MTIF3: variants seen among roughly 807,000 people sequenced by gnomAD.
MTIF3 encodes the protein translation initiation factor IF-3, mitochondrial.
A neutral mutation model predicts 20.7 loss-of-function variants in MTIF3; 13 were observed. The ratio of observed to expected loss-of-function variants is 0.63; its 90% CI spans 0.41 to 1.00. MTIF3 has a LOEUF of 1.00. Ranked by LOEUF, MTIF3 falls within the 50% of genes least tolerant of loss-of-function variation. The pLI, the probability that MTIF3 is intolerant of heterozygous loss-of-function variation, is 0.00. For synonymous variants in MTIF3, 114 were observed against 112.5 expected (o/e 1.01, Z -0.08); for missense variants, 295 against 324.5 (o/e 0.91, Z 0.70).
intron 2 of MTIF3, among the ~76,000 whole-genome samples, 180 bp from the exon 3 acceptor site, chr13:27,440,629 A>G (rs1437241296): frequency 1.3e-5 from 2 of 152,200 alleles, no homozygotes; most frequent in African/African-American, 4.8e-5. Context: ...AAAGCGGACT[A>G]GCAGGTGACT....
chr13:27,443,660 C>T (rs192239281), intron 2 of MTIF3, among the ~76,000 whole-genome samples: 59 of 152,066 alleles, frequency 3.9e-4, no homozygotes, highest in Non-Finnish European at 7.2e-4. Flanking sequence ...TATCTTTTTC[C>T]CTTAGTAGTT....
chr13:27,446,287 A>C (rs1158446327), intron 1 of MTIF3, among the ~76,000 whole-genome samples: 1 of 152,142 alleles, frequency 6.6e-6, no homozygotes, highest in African/African-American at 2.4e-5. Flanking sequence ...CGATCTCCTG[A>C]CCTCAAATGA....
At chr13:27,446,333 C>T (rs1229125532) in intron 1 of MTIF3, among the ~76,000 whole-genome samples, 1 of 152,200 alleles carries the variant, frequency 6.6e-6, no homozygotes, top group African/African-American at 2.4e-5. Flanking sequence ...GTTGGGATTA[C>T]GGGCGTGAGC....
At chr13:27,444,120 A>G (rs914469584) in intron 2 of MTIF3, among the ~76,000 whole-genome samples, 19 of 152,230 alleles carry the variant, frequency 1.2e-4, no homozygotes, top group East Asian at 7.7e-4. Flanking sequence ...TGGCTAACAC[A>G]GTGAAACCCT....
intron 3 of MTIF3, among the ~76,000 whole-genome samples, chr13:27,437,953 TG>T (rs1953846295): frequency 6.6e-6 from 1 of 152,114 alleles, no homozygotes; most frequent in South Asian, 2.1e-4. Context: ...AAAATCTAAC[TG>T]GGATACGGTT....
At chr13:27,440,554 TG>T (rs1953973148) in intron 2 of MTIF3, 105 bp from the exon 3 acceptor site, 2 of 849,150 alleles carry the variant, frequency 2.4e-6, no homozygotes, top group Admixed American at 5.6e-5. Flanking sequence ...AGGCTGTAAC[TG>T]CAAGTGTGAG....
chr13:27,447,225 TAAGAAA>T (rs1318230772), intron 1 of MTIF3, among the ~76,000 whole-genome samples: 2 of 129,556 alleles, frequency 1.5e-5, no homozygotes, highest in Non-Finnish European at 3.3e-5. Context: ...AGATGAACTT[TAAGAAA>T]AAGAGTAAGA....
rs1439447660 is a variant in MTIF3, at chr13:27,435,847, G to A, written c.665C>T (p.Thr222Ile). ...AACAGCTTGTGGCCTAGATGAGAAT[G>A]TAGCTATTCCAGGCATAGTCTGGAG... ...QILQTMPGIA[T>I]FSSRPQAVQG... The change falls in exon 5 of 5, where the codon ACA becomes ATA. Residue 222 changes from threonine to isoleucine, a missense_variant. Coordinates refer to ENST00000381120, the MANE Select transcript of MTIF3 (RefSeq NM_152912.5). 5.0e-6 allele frequency: 8 copies of A among 1,613,972 alleles called. No homozygotes were observed. Among genetic ancestry groups the A allele is most frequent in the Non-Finnish European group, 5.9e-6 (7 of 1,180,006 alleles).
At position 27,440,017 on chromosome 13, in the gene MTIF3, C is replaced by T. The variant is rs562531906; in HGVS notation, c.432G>A (p.Arg144=). The T allele has an allele frequency of 3.1e-6, 5 of 1,614,018 alleles. No homozygotes were observed. Among genetic ancestry groups the T allele is most frequent in the Non-Finnish European group, 4.2e-6 (5 of 1,180,000 alleles). Residue 144 remains arginine, a synonymous_variant, in exon 3 of 5, where the codon AGG becomes AGA. Coordinates refer to ENST00000381120, the MANE Select transcript of MTIF3 (RefSeq NM_152912.5). ...TTTTGGGGTTCGCCTTCTCCATCTC[C>T]CTCAGCCTCTGCCGCTCCTGGAGGA... ...LQILQERQRL[R]EMEKANPKTG...
chr13:27,436,427 T>C (rs1208123120), intron 4 of MTIF3, among the ~76,000 whole-genome samples: 1 of 150,772 alleles, frequency 6.6e-6, no homozygotes. Flanking sequence ...AAAAGCAAAA[T>C]AGGTATTCCA....
At position 27,435,801 on chromosome 13, in the gene MTIF3, C is replaced by T. The variant is rs1210080325; in HGVS notation, c.711G>A (p.Met237Ile). Residue 237 changes from methionine (M) to isoleucine (I), a missense_variant, in exon 5 of 5, where the codon ATG (methionine) becomes ATA (isoleucine). Coordinates refer to ENST00000381120, the MANE Select transcript of MTIF3 (RefSeq NM_152912.5). ...TTTTGCTGAAAGCACGAAGAACACA[C>T]ATTAAAGCTTTTCCTCCTTGAACAG... ...PQAVQGGKAL[M>I]CVLRAFSKNE... The T allele has an allele frequency of 1.2e-5, 19 of 1,614,030 alleles. No homozygotes were observed. Among genetic ancestry groups the T allele is most frequent in the African/African-American group, 5.3e-5 (4 of 74,910 alleles).
At chr13:27,440,634 G>A (rs2138111185) in intron 2 of MTIF3, among the ~76,000 whole-genome samples, 185 bp from the exon 3 acceptor site, 1 of 152,246 alleles carries the variant, frequency 6.6e-6, no homozygotes, top group Non-Finnish European at 1.5e-5. Flanking sequence ...GGACTAGCAG[G>A]TGACTCTGGC....
chr13:27,440,574 T>A, intron 2 of MTIF3, 125 bp from the exon 3 acceptor site: 1 of 724,432 alleles, frequency 1.4e-6, no homozygotes, highest in South Asian at 1.9e-5. Context: ...AGGGAAATGC[T>A]GTTCTCTAGA....
At position 27,440,110 on chromosome 13, in the gene MTIF3, G is replaced by T; in HGVS notation, c.339C>A (p.Asp113Glu). The change falls in exon 3 of 5, where the codon GAC becomes GAA. Residue 113 changes from aspartate to glutamate, a missense_variant. Asp to Glu is a conservative substitution (Grantham distance 45, BLOSUM62 2). Coordinates refer to ENST00000381120, the MANE Select transcript of MTIF3 (RefSeq NM_152912.5). Reference sequence around the variant, plus strand: ...TGGTGTTCCTTTGAACCAGTCGCAGGTCTCGCTCATCCATAAGTCTAATCA... The same window carrying T: ...TGGTGTTCCTTTGAACCAGTCGCAGTTCTCGCTCATCCATAAGTCTAATCA... ...ANVIRLMDERDLRLVQRNTST... is the reference protein window; with the variant it reads ...ANVIRLMDERELRLVQRNTST... 6.2e-7 allele frequency: 1 copy of T among 1,614,182 alleles called. No homozygotes were observed. Among genetic ancestry groups the T allele is most frequent in the East Asian group, 2.2e-5 (1 of 44,886 alleles).
intron 1 of MTIF3, chr13:27,449,852 T>C (rs938820255): frequency 6.6e-6 from 1 of 152,270 alleles, no homozygotes; most frequent in Non-Finnish European, 1.5e-5. Flanking sequence ...CAACACGTAC[T>C]TGAAACTGAG....
Position 27,440,068 on chromosome 13 carries a change from C to T in MTIF3, c.381G>A (p.Glu127=), listed in dbSNP as rs1167554979. 1.2e-6 allele frequency: 2 copies of T among 1,614,230 alleles called. No homozygotes were observed. Among genetic ancestry groups the T allele is most frequent in the Non-Finnish European group, 1.7e-6 (2 of 1,180,032 alleles). The change falls in exon 3 of 5, where the codon GAG becomes GAA. Residue 127 remains glutamate (E), a synonymous_variant. Transcript: ENST00000381120. ...TCTGCAATCCTGTCATGAGCTGATA[C>T]TCTGCAGGTTCTGTGCTGGTGTTCC... ...VQRNTSTEPA[E]YQLMTGLQIL...
intron 3 of MTIF3, among the ~76,000 whole-genome samples, chr13:27,439,312 A>G (rs1566082764): frequency 6.6e-6 from 1 of 152,110 alleles, no homozygotes. Flanking sequence ...CCTGGCCAAC[A>G]TGGTGAAACC....
rs376562567 is a variant in MTIF3 at position 27,440,003 on chromosome 13, G to A, written c.446C>T (p.Ala149Val). 52 of 1,613,324 alleles carry A rather than the reference G, an allele frequency of 3.2e-5. No homozygotes were observed. The Middle Eastern group carries it at 4.9e-4, about 15-fold the overall frequency. Residue 149 changes from alanine (A) to valine (V), a missense_variant, in exon 3 of 5, where the codon GCG (alanine) becomes GTG (valine). Coordinates refer to ENST00000381120, the MANE Select transcript of MTIF3 (RefSeq NM_152912.5). ...AAAATACCTACCAGTTTTGGGGTTCGCCTTCTCCATCTCCCTCAGCCTCTG... is the reference window on the plus strand; with the variant it reads ...AAAATACCTACCAGTTTTGGGGTTCACCTTCTCCATCTCCCTCAGCCTCTG... ...ERQRLREMEK[A>V]NPKTGPTLRK...
chr13:27,438,488 T>TTTG (rs1593188709), intron 3 of MTIF3, among the ~76,000 whole-genome samples: 1 of 35,916 alleles, frequency 2.8e-5, no homozygotes. Context: ...AGACTGTTTT[T>TTTG]TTTTTTTTTT....
Sources: allele counts gnomAD v4.1 joint callset (sites outside exome capture counted in the v4.1 genomes callset), GRCh38; gene constraint gnomAD v4.1.1; transcripts MANE v1.5; gene names NCBI Gene and HGNC (gene_info 2026-07-23, HGNC 2026-07-21).